The following VCAM1 variants were observed in gnomAD, a reference collection of about 807,000 sequenced individuals.
The protein encoded by VCAM1 is vascular cell adhesion molecule 1.
In VCAM1, 41 loss-of-function variants were observed where a neutral mutation model predicts 63.8. The observed-to-expected ratio is 0.64, with a 90% CI of 0.50 to 0.83. The LOEUF is 0.83. Among genes scored for constraint, VCAM1 ranks in the 40% least tolerant of loss-of-function variants. VCAM1 has a pLI of 0.00. For synonymous variants in VCAM1, 338 were observed against 320.7 expected (o/e 1.05, Z -0.58); for missense variants, 798 against 875.5 (o/e 0.91, Z 1.12).
At chr1:100,737,419 A>C (rs1258314071) in intron 8 of VCAM1, 3 of 152,126 alleles carry the variant, frequency 2.0e-5, no homozygotes, top group Non-Finnish European at 2.9e-5. Flanking sequence ...AAATATATTG[A>C]GGTTCTTAAT....
rs759683632 is a variant in VCAM1, at chr1:100,724,888, A to G, written c.926A>G (p.Gln309Arg). ...KNRKEVELIV[Q>R]EKPFTVEISP... ...AGAAAAGAGGTGGAATTAATTGTTC[A>G]AGGTGAGTAGAATGTGAAAAAGGAA... Residue 309 changes from glutamine to arginine, a missense_variant and splice_region_variant, in exon 4 of 9, where the codon CAA (glutamine) becomes CGA (arginine). Gln to Arg is a conservative substitution (Grantham distance 43). Transcript: ENST00000294728. The G allele has an allele frequency of 6.2e-7, 1 of 1,612,132 alleles. No individual in the cohort carries two copies. Among genetic ancestry groups the G allele is most frequent in the Admixed American group, 1.7e-5 (1 of 59,810 alleles).
Position 100,732,461 on chromosome 1 carries a change from C to G in VCAM1, c.1569C>G (p.Ile523Met), listed in dbSNP as rs1660494729. 6 of 1,606,826 alleles carry G rather than the reference C, an allele frequency of 3.7e-6. No homozygotes were observed. Among genetic ancestry groups the G allele is most frequent in the Non-Finnish European group, 4.2e-6 (5 of 1,177,334 alleles). Residue 523 changes from isoleucine (I) to methionine (M), a missense_variant, in exon 7 of 9, where the codon ATC (isoleucine) becomes ATG (methionine). Coordinates refer to ENST00000294728, the MANE Select transcript of VCAM1 (RefSeq NM_001078.4). ...CCGTCTTGGTCAGCCCTTCCTCCAT[C>G]CTGGAGGAAGGCAGTTCTGTGAATA... ...DTTVLVSPSS[I>M]LEEGSSVNMT...
At chr1:100,723,413 AG>A in intron 3 of VCAM1, 73 bp downstream of exon 3, 2 of 1,450,964 alleles carry the variant, frequency 1.4e-6, no homozygotes, top group African/African-American at 1.4e-5. Flanking sequence ...TAAACTTAGC[AG>A]AAAAGTAAAA....
intron 8 of VCAM1, chr1:100,736,569 A>G (rs1660656128): frequency 6.6e-6 from 1 of 152,204 alleles, no homozygotes; most frequent in Non-Finnish European, 1.5e-5. Context: ...CTGAAAGGCA[A>G]AAGATAATGT....
At position 100,732,790 on chromosome 1, in the gene VCAM1, G is replaced by A. The variant is rs982928233; in HGVS notation, c.1792+106G>A. 5.4e-6 allele frequency: 7 copies of A among 1,292,378 alleles called. No individual in the cohort carries two copies. In the Admixed American group the frequency reaches 1.6e-4, roughly 30 times the overall value. The allele number at this position is 1,292,378 out of a possible 1,614,324, so 80.1% of individuals were successfully genotyped here. ...AACAAAATTTTTACTACAAAAGTGT[G>A]ATGAGGGTTTTGAAGAGTTTATGAT... On this transcript the variant is annotated intron_variant, in intron 7 of 8. Coordinates refer to ENST00000294728, the MANE Select transcript of VCAM1 (RefSeq NM_001078.4).
chr1:100,727,710 C>T (rs1012566991), intron 4 of VCAM1, among the ~76,000 whole-genome samples: 1 of 152,066 alleles, frequency 6.6e-6, no homozygotes, highest in Admixed American at 6.6e-5. Context: ...GAGAAATGTT[C>T]ACAGACAGGC....
rs373484938 is a variant in VCAM1 at position 100,731,364 on chromosome 1, T to C, written c.1371T>C (p.Asp457=). The C allele has an allele frequency of 6.2e-7, 1 of 1,613,684 alleles. No individual in the cohort carries two copies. Among genetic ancestry groups the C allele is most frequent in the African/African-American group, 1.3e-5 (1 of 74,858 alleles). The stretch of plus-strand genomic sequence containing the variant: ...ATATAGAGTTTTTGGAGGATACGGA[T>C]ATGAAATCTCTAGAGAACAAAAGTT... ...LENIEFLEDT[D]MKSLENKSLE... is the part of the protein sequence containing the mutation. Residue 457 remains aspartate, a synonymous_variant, in exon 6 of 9, where the codon GAT becomes GAC. Transcript: ENST00000294728. This position sits in a 1 kb window ranked among gnomAD's most constrained non-coding sequence, Gnocchi z 4.2.
Position 100,719,758 on chromosome 1 carries a change from G to T in VCAM1, c.-103G>T. ...TTTCACTCCGCGGTATCTGCATCGG[G>T]CCTCACTGGCTTCAGGAGCTGAATA... On this transcript the variant is annotated 5_prime_UTR_variant, in exon 1 of 9. Transcript: ENST00000294728. The T allele has an allele frequency of 2.7e-6, 3 of 1,130,718 alleles. No individual in the cohort carries two copies. The highest frequency in any genetic ancestry group is 3.8e-6 in the Non-Finnish European group (3 of 783,854). 70.0% of individuals were successfully genotyped at this position (1,130,718 alleles called of 1,614,324 possible).
intron 4 of VCAM1, among the ~76,000 whole-genome samples, chr1:100,727,248 T>C (rs1357484729): frequency 2.6e-5 from 4 of 152,064 alleles, no homozygotes; most frequent in African/African-American, 9.7e-5. Flanking sequence ...GCTCAAGTGA[T>C]CCTCCCACCC....
At chr1:100,729,076 C>T in intron 4 of VCAM1, 31 bp from the exon 5 acceptor site, 1 of 1,485,950 alleles carries the variant, frequency 6.7e-7, no homozygotes, top group Non-Finnish European at 9.0e-7. Flanking sequence ...ATCTTATGTT[C>T]TTTTCATCTT....
intron 4 of VCAM1, among the ~76,000 whole-genome samples, chr1:100,725,851 G>A (rs915588651): frequency 1.3e-5 from 2 of 152,024 alleles, no homozygotes; most frequent in African/African-American, 4.8e-5. Flanking sequence ...GGTATACAAT[G>A]TAGAATGATT....
At chr1:100,734,924 A>G (rs1483136503) in intron 8 of VCAM1, among the ~76,000 whole-genome samples, 156 bp downstream of exon 8, 1 of 152,198 alleles carries the variant, frequency 6.6e-6, no homozygotes, top group Admixed American at 6.5e-5. Flanking sequence ...GCTTTATCCT[A>G]TAAAGTTTAG....
At chr1:100,732,251 T>C (rs1213659038) in intron 6 of VCAM1, among the ~76,000 whole-genome samples, 167 bp from the exon 7 acceptor site, 4 of 152,212 alleles carry the variant, frequency 2.6e-5, no homozygotes, top group Admixed American at 1.3e-4. Flanking sequence ...CTCTATCATT[T>C]GGTATCAGCT....
intron 4 of VCAM1, among the ~76,000 whole-genome samples, chr1:100,727,678 T>C (rs1660221731): frequency 1.3e-5 from 2 of 152,096 alleles, no homozygotes; most frequent in African/African-American, 4.8e-5. Flanking sequence ...GCAATACATG[T>C]GGCCACTGTA....
At chr1:100,736,261 G>A (rs1036929667) in intron 8 of VCAM1, 1 of 152,020 alleles carries the variant, frequency 6.6e-6, no homozygotes, top group Admixed American at 6.6e-5. Flanking sequence ...AATATTAAGC[G>A]CTCAGCTAGA....
At position 100,724,655 on chromosome 1, in the gene VCAM1, T is replaced by C. The variant is rs543057527; in HGVS notation, c.693T>C (p.Asn231=). 3.7e-6 allele frequency: 6 copies of C among 1,612,974 alleles called. No individual in the cohort carries two copies. The South Asian group carries it at 6.6e-5, about 18-fold the overall frequency. Residue 231 remains asparagine, a synonymous_variant, in exon 4 of 9, where the codon AAT becomes AAC. Transcript: ENST00000294728. ...CCAAGAATACAGTTATTTCTGTGAA[T>C]CCATCCACAAAGCTGCAAGAAGGTG... ...ISPKNTVISV[N]PSTKLQEGGS... is the part of the protein sequence containing the mutation.
chr1:100,734,498 A>G lies in VCAM1; in HGVS notation c.1793-4A>G. Reference sequence around the variant, plus strand: ...CAGGGATGTCTTTTAAATTCTCTTTACAGTTACTCCAAAAGACATAAAACT... The same window carrying G: ...CAGGGATGTCTTTTAAATTCTCTTTGCAGTTACTCCAAAAGACATAAAACT... On this transcript the variant is annotated splice_polypyrimidine_tract_variant and splice_region_variant and intron_variant, in intron 7 of 8. Coordinates refer to ENST00000294728, the MANE Select transcript of VCAM1 (RefSeq NM_001078.4). The G allele has an allele frequency of 6.2e-7, 1 of 1,607,740 alleles. No individual in the cohort carries two copies. The highest frequency in any genetic ancestry group is 8.5e-7 in the Non-Finnish European group (1 of 1,177,786).
At position 100,723,308 on chromosome 1, in the gene VCAM1, T is replaced by C; in HGVS notation, c.629T>C (p.Val210Ala). The C allele has an allele frequency of 6.2e-7, 1 of 1,612,806 alleles. No individual in the cohort carries two copies. Among genetic ancestry groups the C allele is most frequent in the Non-Finnish European group, 8.5e-7 (1 of 1,179,178 alleles). The stretch of plus-strand genomic sequence containing the variant: ...GATGAAATGGATTCTGTGCCCACAG[T>C]AAGGCAGGCTGTAAAAGAATTGCAA... ...HIDEMDSVPT[V>A]RQAVKELQVY... The change falls in exon 3 of 9, where the codon GTA (valine) becomes GCA (alanine). Residue 210 changes from valine to alanine, a missense_variant. Coordinates refer to ENST00000294728, the MANE Select transcript of VCAM1 (RefSeq NM_001078.4).
In VCAM1 at chr1:100,723,073, C is replaced by G. The variant is rs771194190; in HGVS notation, c.394C>G (p.Pro132Ala). Residue 132 changes from proline (P) to alanine (A), a missense_variant, in exon 3 of 9, where the codon CCG becomes GCG. Physicochemically the swap from Pro to Ala is conservative, Grantham distance 27. Coordinates refer to ENST00000294728, the MANE Select transcript of VCAM1 (RefSeq NM_001078.4). ...GAGTGGCCCTCTGGAGGCTGGGAAG[C>G]CGATCACAGTCAAGTGTTCAGTTGC... ...HLSGPLEAGK[P>A]ITVKCSVADV... is the part of the protein sequence containing the mutation. 6.2e-7 allele frequency: 1 copy of G among 1,612,732 alleles called. No individual in the cohort carries two copies. The highest frequency in any genetic ancestry group is 8.5e-7 in the Non-Finnish European group (1 of 1,179,346).
Sources: allele counts gnomAD v4.1 joint callset (sites outside exome capture counted in the v4.1 genomes callset), GRCh38; gene constraint gnomAD v4.1.1; non-coding constraint Gnocchi (gnomAD v3.1); transcripts MANE v1.5; gene names NCBI Gene and HGNC (gene_info 2026-07-23, HGNC 2026-07-21).